The following SMIM41 variants were observed in gnomAD, a reference collection of about 807,000 sequenced individuals.
The protein encoded by SMIM41 is small integral membrane protein 41.
chr12:52,080,032 A>G lies in SMIM41; in HGVS notation c.253A>G (p.Ser85Gly). ...ASREPEPGSA[S>G]GEDGDDDS is the part of the protein sequence containing the mutation. The stretch of plus-strand genomic sequence containing the variant: ...CCGCGAGCCCGAGCCGGGCAGTGCC[A>G]GCGGAGAGGACGGCGACGACGACTC... Residue 85 changes from serine (S) to glycine (G), a missense_variant, in exon 1 of 3, where the codon AGC becomes GGC. Ser to Gly is a moderately conservative substitution (Grantham distance 56, BLOSUM62 0). Coordinates refer to ENST00000546390, the MANE Select transcript of SMIM41 (RefSeq NM_001369216.1). 1 of 369,216 alleles carries G rather than the reference A, an allele frequency of 2.7e-6. No homozygotes were observed. The highest frequency in any genetic ancestry group is 4.8e-6 in the Non-Finnish European group (1 of 207,048). The allele number at this position is 369,216 out of a possible 1,614,324, so 22.9% of individuals were successfully genotyped here.
At chr12:52,095,579 T>C (rs1940078358) in intron 2 of SMIM41, among the ~76,000 whole-genome samples, 1 of 152,096 alleles carries the variant, frequency 6.6e-6, no homozygotes, top group Non-Finnish European at 1.5e-5. Flanking sequence ...TATCATCCTC[T>C]CCCACGTTGA....
intron 2 of SMIM41, among the ~76,000 whole-genome samples, chr12:52,099,604 G>A (rs1289066064): frequency 1.3e-5 from 2 of 152,012 alleles, no homozygotes; most frequent in African/African-American, 2.4e-5. Flanking sequence ...CAGCTGGTGC[G>A]ATATTGGTAG....
intron 2 of SMIM41, among the ~76,000 whole-genome samples, chr12:52,105,335 C>G (rs1349579826): frequency 6.6e-6 from 1 of 152,244 alleles, no homozygotes; most frequent in Non-Finnish European, 1.5e-5. Flanking sequence ...TTCCTTACAG[C>G]TCTCGACTTC....
chr12:52,083,528 A>G (rs941647328), intron 1 of SMIM41, among the ~76,000 whole-genome samples: 1 of 152,088 alleles, frequency 6.6e-6, no homozygotes. Context: ...TCAGATCCAC[A>G]TCTTCCGAGG....
At chr12:52,080,726 T>A (rs1592320351) in intron 1 of SMIM41, among the ~76,000 whole-genome samples, 1 of 151,590 alleles carries the variant, frequency 6.6e-6, no homozygotes, top group Non-Finnish European at 1.5e-5. Flanking sequence ...CCTGGGAGGG[T>A]GCTTGAGGGA....
chr12:52,092,341 A>C (rs1055002576), intron 2 of SMIM41: 4 of 152,234 alleles, frequency 2.6e-5, no homozygotes, highest in African/African-American at 9.6e-5. Context: ...ATTTGTCAGA[A>C]AGCAGGGAGT....
intron 2 of SMIM41, among the ~76,000 whole-genome samples, chr12:52,088,167 T>A (rs1177109692): frequency 6.6e-6 from 1 of 152,186 alleles, no homozygotes; most frequent in African/African-American, 2.4e-5. Flanking sequence ...GGAAGGGCCC[T>A]TCAGTGTACC....
rs1475972816 is a variant in SMIM41 at position 52,107,723 on chromosome 12, T to G, written c.*540T>G. On this transcript the variant is annotated 3_prime_UTR_variant, in exon 3 of 3. Transcript: ENST00000546390. ...CGGTTTGTAGCCATCTGTCACCCTC[T>G]ATATCATTCAGCCATCATGAACCTG... The G allele has an allele frequency of 3.7e-5, 17 of 457,558 alleles. No homozygotes were observed. The highest frequency in any genetic ancestry group is 5.7e-4 in the Middle Eastern group (1 of 1,746). 28.3% of individuals were successfully genotyped at this position (457,558 alleles called of 1,614,324 possible).
At chr12:52,097,036 G>A (rs931693565) in intron 2 of SMIM41, among the ~76,000 whole-genome samples, 3 of 152,076 alleles carry the variant, frequency 2.0e-5, no homozygotes, top group African/African-American at 4.8e-5. Flanking sequence ...AAGGTGGAGA[G>A]GAAGATATAT....
chr12:52,097,408 G>C (rs1228107628), intron 2 of SMIM41, among the ~76,000 whole-genome samples: 2 of 151,836 alleles, frequency 1.3e-5, no homozygotes, highest in African/African-American at 4.8e-5. Flanking sequence ...GTGATGCAGG[G>C]AGTAATACCT....
intron 2 of SMIM41, among the ~76,000 whole-genome samples, chr12:52,096,651 G>T (rs904231605): frequency 6.6e-6 from 1 of 151,370 alleles, no homozygotes; most frequent in Admixed American, 6.6e-5. Context: ...ATTAATATCA[G>T]GCGTTATTAA....
intron 2 of SMIM41, among the ~76,000 whole-genome samples, chr12:52,103,662 G>C (rs1940267965): frequency 6.6e-6 from 1 of 152,124 alleles, no homozygotes; most frequent in Non-Finnish European, 1.5e-5. Flanking sequence ...GGGAGACTGA[G>C]ACACAAGAAT....
chr12:52,091,376 A>G (rs1244583780), intron 2 of SMIM41, among the ~76,000 whole-genome samples: 1 of 151,910 alleles, frequency 6.6e-6, no homozygotes, highest in Non-Finnish European at 1.5e-5. Context: ...AGCAACCTAA[A>G]CCCATTCACC....
chr12:52,101,628 C>T (rs546153801), intron 2 of SMIM41, among the ~76,000 whole-genome samples: 15 of 152,226 alleles, frequency 9.9e-5, no homozygotes, highest in East Asian at 9.6e-4. Context: ...TATTTCCAGA[C>T]GCTTTGGTAA....
chr12:52,098,182 C>G (rs1592328256), intron 2 of SMIM41, among the ~76,000 whole-genome samples: 1 of 152,014 alleles, frequency 6.6e-6, no homozygotes, highest in African/African-American at 2.4e-5. Context: ...CATCCTCTCC[C>G]CTCTGGAAGT....
At chr12:52,094,133 G>GAA (rs71092745) in intron 2 of SMIM41, among the ~76,000 whole-genome samples, 113,566 of 128,460 alleles carry the variant, frequency 0.88, 52,303 homozygotes, top group Non-Finnish European at 0.99. Flanking sequence ...TCCATCTCCG[G>GAA]AAAAAAAAAA....
At chr12:52,090,522 C>T (rs1476814075) in intron 2 of SMIM41, among the ~76,000 whole-genome samples, 1 of 152,194 alleles carries the variant, frequency 6.6e-6, no homozygotes, top group Non-Finnish European at 1.5e-5. Context: ...GGTCGGGGAA[C>T]CATGGGGAGG....
chr12:52,080,197 G>A lies in SMIM41; in HGVS notation c.*120+16G>A, dbSNP rs898611789. 6 of 314,910 alleles carry A rather than the reference G, an allele frequency of 1.9e-5. No individual in the cohort carries two copies. The highest frequency in any genetic ancestry group is 3.5e-5 in the Non-Finnish European group (6 of 172,240). 19.5% of individuals were successfully genotyped at this position (314,910 alleles called of 1,614,324 possible). On this transcript the variant is annotated intron_variant, in intron 1 of 2. Transcript: ENST00000546390. ...CCCCACACAGGTGAGAGGGAGGGTAGCAGGAGTGTGGGCGCGGGGGTTCGG... is the reference window on the plus strand; with the variant it reads ...CCCCACACAGGTGAGAGGGAGGGTAACAGGAGTGTGGGCGCGGGGGTTCGG...
chr12:52,092,330 C>T (rs1940020617), intron 2 of SMIM41: 3 of 152,010 alleles, frequency 2.0e-5, no homozygotes, highest in South Asian at 2.1e-4. Flanking sequence ...ATTTCAAAAC[C>T]ATTTGTCAGA....
Sources: gnomAD v4.1 joint callset for allele counts (sites outside exome capture counted in the v4.1 genomes callset) on GRCh38, gnomAD v4.1.1 for gene constraint, MANE v1.5 for transcripts, NCBI Gene and HGNC (gene_info 2026-07-23, HGNC 2026-07-21) for gene names.